The following PTPRD variants were observed in gnomAD, a reference collection of about 807,000 sequenced individuals.
PTPRD encodes the protein protein tyrosine phosphatase receptor type D, also known as receptor-type tyrosine-protein phosphatase delta.
In PTPRD, 34 loss-of-function variants were observed where a neutral mutation model predicts 214.5. The ratio of observed to expected loss-of-function variants is 0.16; its 90% confidence interval spans 0.12 to 0.21. The LOEUF is 0.21. Among genes scored for constraint, PTPRD ranks in the 10% least tolerant of loss-of-function variants. PTPRD has a pLI of 1.00. For missense variants in PTPRD, 2,545 were observed against 2,398.7 expected (o/e 1.06, Z -1.27); for synonymous variants, 1,128 against 845.7 (o/e 1.33, Z -5.79).
chr9:10,490,783 C>A (rs2039944777), intron 2 of PTPRD, among the ~76,000 whole-genome samples: 1 of 152,098 alleles, frequency 6.6e-6, no homozygotes, highest in South Asian at 2.1e-4. Context: ...TATTTTGGTA[C>A]TTGGCTTGAT....
At chr9:9,691,241 T>C (rs2097265002) in intron 7 of PTPRD, among the ~76,000 whole-genome samples, 1 of 151,920 alleles carries the variant, frequency 6.6e-6, no homozygotes, top group Admixed American at 6.6e-5. Context: ...ATCTTATTTG[T>C]TCTATTTTGT....
At chr9:8,693,186 C>G (rs2097844488) in intron 12 of PTPRD, among the ~76,000 whole-genome samples, 1 of 152,180 alleles carries the variant, frequency 6.6e-6, no homozygotes, top group Non-Finnish European at 1.5e-5. Context: ...GTCTCTCAGT[C>G]CACCACCACA....
intron 11 of PTPRD, among the ~76,000 whole-genome samples, chr9:8,832,483 C>A (rs2097317149): frequency 7.8e-6 from 1 of 128,782 alleles, no homozygotes; most frequent in African/African-American, 3.0e-5. Context: ...CAATGAATTA[C>A]AAGTAAGAGA....
At chr9:9,027,748 A>G (rs2099591974) in intron 10 of PTPRD, among the ~76,000 whole-genome samples, 1 of 151,890 alleles carries the variant, frequency 6.6e-6, no homozygotes, top group African/African-American at 2.4e-5. Flanking sequence ...GTGATGGTGA[A>G]GTTTGTTATC....
At chr9:9,679,233 T>C (rs2097009494) in intron 7 of PTPRD, among the ~76,000 whole-genome samples, 1 of 151,506 alleles carries the variant, frequency 6.6e-6, no homozygotes, top group African/African-American at 2.4e-5. Flanking sequence ...TCTCTCTCTC[T>C]TTCTCTCTCC....
At chr9:9,147,505 G>A (rs2099870679) in intron 10 of PTPRD, among the ~76,000 whole-genome samples, 1 of 151,934 alleles carries the variant, frequency 6.6e-6, no homozygotes, top group Non-Finnish European at 1.5e-5. Context: ...AGTTAAGAAT[G>A]TTTTTTACAT....
At chr9:10,427,229 A>G (rs1377379447) in intron 2 of PTPRD, among the ~76,000 whole-genome samples, 2 of 152,026 alleles carry the variant, frequency 1.3e-5, no homozygotes, top group Non-Finnish European at 2.9e-5. Context: ...TTATACTATC[A>G]TTTTTTCTAT....
At chr9:10,562,995 T>G (rs922082107) in intron 2 of PTPRD, among the ~76,000 whole-genome samples, 3 of 152,124 alleles carry the variant, frequency 2.0e-5, no homozygotes, top group Non-Finnish European at 1.5e-5. Flanking sequence ...ATAGAAATGA[T>G]GAGACATTAA....
rs551845298 is a variant in PTPRD, at chr9:8,654,266, G to A, written c.65-17422C>T. 2.6e-5 allele frequency among the ~76,000 whole-genome samples: 4 copies of A among 152,210 alleles called. No individual in the cohort carries two copies. In the East Asian group the frequency reaches 7.7e-4, roughly 29 times the overall value. ...AGTCAACTACCCCCTACTTGGTACT[G>A]CTCTATTCCATTTAAATATTTTAAT... On this transcript the variant is annotated intron_variant, in intron 12 of 45. Transcript: ENST00000381196.
chr9:9,765,877 T>C (rs2098702968), intron 6 of PTPRD, among the ~76,000 whole-genome samples: 1 of 152,110 alleles, frequency 6.6e-6, no homozygotes, highest in Non-Finnish European at 1.5e-5. Flanking sequence ...TTAGCCAGGA[T>C]GGTCTCGATC....
chr9:8,965,623 G>C (rs374817334), intron 11 of PTPRD, among the ~76,000 whole-genome samples: 33 of 152,132 alleles, frequency 2.2e-4, no homozygotes, highest in South Asian at 8.3e-4. Flanking sequence ...TTGGTTTAAA[G>C]TAAGGAAGAT....
intron 11 of PTPRD, among the ~76,000 whole-genome samples, chr9:8,734,716 G>C (rs1358514680): frequency 6.6e-6 from 1 of 152,216 alleles, no homozygotes; most frequent in Non-Finnish European, 1.5e-5. Context: ...AGAAAGATGA[G>C]TCAGGTTCTA....
intron 2 of PTPRD, among the ~76,000 whole-genome samples, chr9:10,436,188 T>G (rs190342458): frequency 1.2e-4 from 18 of 151,962 alleles, no homozygotes; most frequent in Admixed American, 9.9e-4. Flanking sequence ...ACATTTTTCT[T>G]GAAAAGACAG....
chr9:9,586,397 C>T (rs2091962159), intron 7 of PTPRD, among the ~76,000 whole-genome samples: 1 of 151,836 alleles, frequency 6.6e-6, no homozygotes, highest in Non-Finnish European at 1.5e-5. Flanking sequence ...ATTATGTAGT[C>T]ATAAGTACGC....
intron 11 of PTPRD, among the ~76,000 whole-genome samples, chr9:8,903,529 A>T (rs1432828187): frequency 6.6e-6 from 1 of 152,164 alleles, no homozygotes; most frequent in East Asian, 1.9e-4. Flanking sequence ...TCAAATCAGT[A>T]GGTTTGACAA....
At chr9:8,342,416 A>C (rs1295926056) in intron 39 of PTPRD, among the ~76,000 whole-genome samples, 1 of 152,062 alleles carries the variant, frequency 6.6e-6, no homozygotes, top group Non-Finnish European at 1.5e-5. Context: ...ACAAAACATA[A>C]AGATTGTTTT....
chr9:8,734,075 T>A, intron 11 of PTPRD, 129 bp from the exon 12 acceptor site: 1 of 564,386 alleles, frequency 1.8e-6, no homozygotes, highest in Non-Finnish European at 3.2e-6. Context: ...CACAATAAAT[T>A]GTAACTGTCA....
rs544793156 is a variant in PTPRD at position 9,244,805 on chromosome 9, G to C, written c.-202-61442C>G. On this transcript the variant is annotated intron_variant, in intron 9 of 45. Coordinates refer to ENST00000381196, the MANE Select transcript of PTPRD (RefSeq NM_002839.4). ...ACAAATGGGATCTCATTAAACTAAA[G>C]AGCTTCTGCACAGCAAAAGAAACTA... Among the ~76,000 whole-genome samples the C allele has an allele frequency of 2.6e-5, 4 of 152,062 alleles. 1 individual carries two copies. Among genetic ancestry groups the C allele is most frequent in the Admixed American group, 1.3e-4 (2 of 15,258 alleles).
intron 11 of PTPRD, among the ~76,000 whole-genome samples, chr9:8,831,062 T>C (rs148632300): frequency 1.1e-4 from 17 of 152,124 alleles, no homozygotes; most frequent in African/African-American, 3.9e-4. Flanking sequence ...TCTGTGGACT[T>C]AGAAGGGACA....
Sources: allele counts gnomAD v4.1 joint callset (sites outside exome capture counted in the v4.1 genomes callset), GRCh38; gene constraint gnomAD v4.1.1; transcripts MANE v1.5; gene names NCBI Gene and HGNC (gene_info 2026-07-23, HGNC 2026-07-21).